Variants in SRBD1 observed in about 807,000 individuals in gnomAD.
SRBD1 encodes the protein S1 RNA binding domain 1.
SRBD1 carries 88 observed loss-of-function variants against 115.3 expected under a neutral mutation model. That is an observed-to-expected ratio of 0.76 (90% CI 0.64 to 0.91). The LOEUF (loss-of-function observed/expected upper bound fraction) is 0.91. Ranked by LOEUF, SRBD1 falls within the 40% of genes least tolerant of loss-of-function variation. SRBD1 has a pLI of 0.00. For missense variants in SRBD1, 1,385 were observed against 1,177.4 expected, an observed-to-expected ratio of 1.18 and a Z score of -2.58; for synonymous variants, 509 against 407.7, an observed-to-expected ratio of 1.25 and a Z score of -2.99.
chr2:45,585,810 G>A (rs1673503543), intron 4 of SRBD1, 36 bp from the exon 5 acceptor site: 1 of 1,514,236 alleles, frequency 6.6e-7, no homozygotes, highest in South Asian at 1.2e-5. Context: ...TTAAAATGCT[G>A]AAAATTAAAC....
intron 16 of SRBD1, among the ~76,000 whole-genome samples, chr2:45,446,034 A>C (rs186580087): frequency 6.6e-6 from 1 of 152,312 alleles, no homozygotes; most frequent in Admixed American, 6.5e-5. Context: ...ATGGGGACAC[A>C]GTTAAGTGGC....
chr2:45,606,181 CAG>C (rs1411164660), intron 1 of SRBD1, among the ~76,000 whole-genome samples: 6 of 117,216 alleles, frequency 5.1e-5, no homozygotes, highest in South Asian at 5.3e-4. Flanking sequence ...TTTTTTGAGA[CAG>C]AGTTTCGCTC....
At chr2:45,532,586 T>G (rs923475550) in intron 14 of SRBD1, among the ~76,000 whole-genome samples, 4 of 151,808 alleles carry the variant, frequency 2.6e-5, no homozygotes, top group African/African-American at 9.7e-5. Context: ...TAATCCCCCA[T>G]GCCCTTGAAA....
At chr2:45,573,728 T>C (rs713305) in intron 8 of SRBD1, among the ~76,000 whole-genome samples, 6,614 of 152,230 alleles carry the variant, frequency 0.043, 229 homozygotes, top group East Asian at 0.15. Flanking sequence ...AACAAAAGGA[T>C]GTGTCAGGAC....
chr2:45,413,637 C>T (rs554075282), intron 18 of SRBD1, among the ~76,000 whole-genome samples: 36 of 152,206 alleles, frequency 2.4e-4, no homozygotes, highest in African/African-American at 8.4e-4. Flanking sequence ...TAGAAAAAGA[C>T]TCATACTTGG....
At chr2:45,541,771 G>A (rs558977043) in intron 14 of SRBD1, among the ~76,000 whole-genome samples, 27 of 152,364 alleles carry the variant, frequency 1.8e-4, no homozygotes, top group Middle Eastern at 3.4e-3. Context: ...GCAGAGAGCA[G>A]ACCCAAAGTG....
At chr2:45,571,249 T>C (rs1053705632) in intron 9 of SRBD1, among the ~76,000 whole-genome samples, 2 of 152,054 alleles carry the variant, frequency 1.3e-5, no homozygotes, top group African/African-American at 4.8e-5. Flanking sequence ...TTTTTTTCTT[T>C]TAGGGGATTT....
rs1021128517 is a variant in SRBD1 at position 45,423,755 on chromosome 2, T to G, written c.2050-3861A>C. Among the ~76,000 whole-genome samples the G allele has an allele frequency of 2.0e-5, 3 of 152,110 alleles. No individual in the cohort carries two copies. The South Asian group carries it at 6.2e-4, about 32-fold the overall frequency. On this transcript the variant is annotated intron_variant, in intron 16 of 20. Transcript: ENST00000263736. ...CCTCAAGAAGAAAGAAACCTACATT[T>G]GAACTGATTTCCTATGAATACCAGT...
chr2:45,508,381 TG>T (rs768244206), intron 14 of SRBD1, among the ~76,000 whole-genome samples: 1 of 152,220 alleles, frequency 6.6e-6, no homozygotes, highest in Non-Finnish European at 1.5e-5. Flanking sequence ...ACACAATGGC[TG>T]AAGAAACTTT....
intron 18 of SRBD1, among the ~76,000 whole-genome samples, chr2:45,416,061 C>G (rs931576541): frequency 3.9e-5 from 6 of 151,918 alleles, no homozygotes; most frequent in Non-Finnish European, 5.9e-5. Flanking sequence ...AACTTATTAA[C>G]TGATAAATCT....
chr2:45,391,195 AGTT>A (rs1380687136), intron 20 of SRBD1, among the ~76,000 whole-genome samples: 1 of 152,206 alleles, frequency 6.6e-6, no homozygotes, highest in African/African-American at 2.4e-5. Flanking sequence ...TCCTGAAGAC[AGTT>A]GGGGACACTG....
intron 16 of SRBD1, among the ~76,000 whole-genome samples, chr2:45,453,702 T>C (rs568257872): frequency 8.6e-5 from 13 of 151,994 alleles, no homozygotes; most frequent in Non-Finnish European, 1.6e-4. Flanking sequence ...GCAAAGAGGT[T>C]CTTTCTGTTT....
intron 5 of SRBD1, among the ~76,000 whole-genome samples, chr2:45,582,820 T>C (rs1390906388): frequency 1.3e-5 from 2 of 152,142 alleles, no homozygotes; most frequent in Non-Finnish European, 2.9e-5. Flanking sequence ...AACCAAGGTA[T>C]AGGTACTAGA....
chr2:45,584,888 A>G (rs975685607), intron 5 of SRBD1, among the ~76,000 whole-genome samples: 2 of 152,190 alleles, frequency 1.3e-5, no homozygotes, highest in Non-Finnish European at 2.9e-5. Context: ...TGGTGGCTCA[A>G]GCCTATCATC....
intron 9 of SRBD1, among the ~76,000 whole-genome samples, chr2:45,565,179 C>A (rs1672787922): frequency 6.6e-6 from 1 of 152,130 alleles, no homozygotes; most frequent in South Asian, 2.1e-4. Flanking sequence ...ATAGCCAAGT[C>A]AATTTTTAAA....
intron 16 of SRBD1, among the ~76,000 whole-genome samples, chr2:45,461,727 G>C (rs541223858): frequency 6.6e-5 from 10 of 152,076 alleles, no homozygotes; most frequent in Non-Finnish European, 1.5e-4. Context: ...CTATGGATCT[G>C]CTTAAAAATG....
At chr2:45,414,805 T>TAC (rs1166843197) in intron 18 of SRBD1, among the ~76,000 whole-genome samples, 23 of 136,114 alleles carry the variant, frequency 1.7e-4, no homozygotes, top group Admixed American at 5.7e-4. Flanking sequence ...ATATAGTATG[T>TAC]ACACACACAT....
intron 16 of SRBD1, among the ~76,000 whole-genome samples, chr2:45,435,467 C>T (rs547591139): frequency 1.3e-5 from 2 of 151,834 alleles, no homozygotes; most frequent in East Asian, 3.9e-4. Flanking sequence ...GAGCAGTATT[C>T]CAGTTACTCA....
At chr2:45,394,293 T>C (rs1036652745) in intron 19 of SRBD1, among the ~76,000 whole-genome samples, 4 of 152,234 alleles carry the variant, frequency 2.6e-5, no homozygotes, top group African/African-American at 9.6e-5. Flanking sequence ...ATTGAAGGGT[T>C]AAGATGCATT....
Sources: allele counts gnomAD v4.1 joint callset (sites outside exome capture counted in the v4.1 genomes callset), GRCh38; gene constraint gnomAD v4.1.1; transcripts MANE v1.5; gene names NCBI Gene and HGNC (gene_info 2026-07-23, HGNC 2026-07-21).